The following DUSP22 variants were observed in gnomAD, a reference collection of about 807,000 sequenced individuals.
The protein encoded by DUSP22 is dual specificity protein phosphatase 22.
Under a neutral mutation model 24.5 loss-of-function variants are expected in DUSP22, and 24 were observed. The ratio of observed to expected loss-of-function variants is 0.98; its 90% CI spans 0.71 to 1.38. The LOEUF (loss-of-function observed/expected upper bound fraction) is 1.38, where lower values mean the gene tolerates loss of function less well. Ranked by LOEUF, DUSP22 falls within the 40% of genes most tolerant of loss-of-function variation. DUSP22 has a pLI of 0.00. For missense variants in DUSP22, 330 were observed against 269.2 expected, an observed-to-expected ratio of 1.23 and a Z score of -1.58; for synonymous variants, 160 against 106.4, an observed-to-expected ratio of 1.50 and a Z score of -3.10.
chr6:350,824 G>A lies in DUSP22; in HGVS notation c.*1873G>A, dbSNP rs753689902. On this transcript the variant is annotated 3_prime_UTR_variant, in exon 7 of 7. Coordinates refer to ENST00000419235, the MANE Select transcript of DUSP22 (RefSeq NM_001286555.3). ...CCAGTAATGTTCTTTCTTCACAGCC[G>A]CTCCGGGAATTCTGAAGTTCTGGGC... The A allele has an allele frequency of 3.5e-5, 57 of 1,614,212 alleles. No individual in the cohort carries two copies. Among genetic ancestry groups the A allele is most frequent in the Middle Eastern group, 3.3e-4 (2 of 6,060 alleles).
intron 3 of DUSP22, among the ~76,000 whole-genome samples, chr6:334,462 C>T (rs973009584): frequency 2.6e-4 from 40 of 152,182 alleles, no homozygotes; most frequent in Admixed American, 2.6e-3. Flanking sequence ...TTACATAAAC[C>T]TTTTTCTGAG....
intron 1 of DUSP22, among the ~76,000 whole-genome samples, chr6:297,480 C>T (rs62390171): frequency 0.012 from 1,884 of 151,782 alleles, 2 homozygotes; most frequent in Non-Finnish European, 0.021. Context: ...AGGCATAGAC[C>T]GGTGTTCCTC....
At chr6:300,216 C>A (rs1757517144) in intron 1 of DUSP22, among the ~76,000 whole-genome samples, 1 of 152,302 alleles carries the variant, frequency 6.6e-6, no homozygotes, top group South Asian at 2.1e-4. Context: ...TGCGTCTCTG[C>A]ATAGCCATGT....
chr6:332,321 G>C (rs1759175826), intron 3 of DUSP22, among the ~76,000 whole-genome samples: 1 of 152,308 alleles, frequency 6.6e-6, no homozygotes, highest in Admixed American at 6.5e-5. Flanking sequence ...ATGGGAGGCT[G>C]CAGCTCCACA....
intron 4 of DUSP22, among the ~76,000 whole-genome samples, chr6:341,592 T>C (rs1330546778): frequency 2.0e-5 from 3 of 152,310 alleles, no homozygotes; most frequent in African/African-American, 7.2e-5. Flanking sequence ...ATTGTGTCCA[T>C]GAGTCAAGCT....
intron 3 of DUSP22, 100 bp from the exon 4 acceptor site, chr6:335,013 AT>A (rs370463785): frequency 7.4e-7 from 1 of 1,344,696 alleles, no homozygotes; most frequent in East Asian, 2.5e-5. Context: ...TCTCCTTTTT[AT>A]TTTTTTATTT....
At chr6:301,351 G>A (rs933738334) in intron 1 of DUSP22, among the ~76,000 whole-genome samples, 2 of 152,312 alleles carry the variant, frequency 1.3e-5, no homozygotes, top group African/African-American at 4.8e-5. Context: ...CCAGTAAGGG[G>A]TATTGGGAGA....
intron 3 of DUSP22, among the ~76,000 whole-genome samples, chr6:334,253 A>G (rs1759266766): frequency 6.6e-6 from 1 of 152,306 alleles, no homozygotes; most frequent in African/African-American, 2.4e-5. Context: ...TTAGGCAATT[A>G]AGAGAGGAAT....
chr6:317,341 C>T (rs1322600340), intron 3 of DUSP22, among the ~76,000 whole-genome samples: 3 of 152,304 alleles, frequency 2.0e-5, no homozygotes, highest in Non-Finnish European at 4.4e-5. Context: ...CCCCATTTCT[C>T]TTGAACAAAA....
chr6:335,610 A>G (rs1405445879), intron 4 of DUSP22, among the ~76,000 whole-genome samples: 1 of 152,310 alleles, frequency 6.6e-6, no homozygotes, highest in Non-Finnish European at 1.5e-5. Context: ...CATTAATTCT[A>G]ATAATATATT....
At position 350,795 on chromosome 6, in the gene DUSP22, G is replaced by A. The variant is rs1451612573; in HGVS notation, c.*1844G>A. ...TTCTTGAAATGTTGTTTTAATATTT[G>A]TTGCCAGTAATGTTCTTTCTTCACA... On this transcript the variant is annotated 3_prime_UTR_variant, in exon 7 of 7. Transcript: ENST00000419235. 3.1e-6 allele frequency: 5 copies of A among 1,614,220 alleles called. No homozygotes were observed. Among genetic ancestry groups the A allele is most frequent in the Non-Finnish European group, 4.2e-6 (5 of 1,180,014 alleles).
At chr6:304,712 G>T (rs1211865854) in intron 2 of DUSP22, 51 bp downstream of exon 2, 3 of 1,610,364 alleles carry the variant, frequency 1.9e-6, no homozygotes, top group Non-Finnish European at 2.5e-6. Flanking sequence ...AACATAAAAT[G>T]TGTCATCTTG....
intron 4 of DUSP22, among the ~76,000 whole-genome samples, chr6:336,025 G>A (rs1180765402): frequency 5.3e-5 from 8 of 152,302 alleles, no homozygotes; most frequent in Non-Finnish European, 2.9e-5. Context: ...AAGGGATAGG[G>A]CTCTGGGGAC....
intron 1 of DUSP22, among the ~76,000 whole-genome samples, chr6:293,001 C>G (rs1340029824): frequency 6.6e-6 from 1 of 152,282 alleles, no homozygotes; most frequent in Admixed American, 6.5e-5. Flanking sequence ...TCCTCAGATT[C>G]TGTGTGTGTG....
intron 3 of DUSP22, among the ~76,000 whole-genome samples, chr6:318,849 A>G (rs1215090366): frequency 6.6e-6 from 1 of 152,298 alleles, no homozygotes; most frequent in Non-Finnish European, 1.5e-5. Flanking sequence ...CATCCATATT[A>G]AGGAATACTC....
chr6:346,218 T>C (rs1029499099), intron 5 of DUSP22, among the ~76,000 whole-genome samples: 2 of 152,308 alleles, frequency 1.3e-5, no homozygotes, highest in South Asian at 2.1e-4. Context: ...TTTGCTGGCT[T>C]GCCTCCAGCA....
chr6:297,351 C>G (rs1757382478), intron 1 of DUSP22, among the ~76,000 whole-genome samples: 1 of 152,308 alleles, frequency 6.6e-6, no homozygotes, highest in Non-Finnish European at 1.5e-5. Flanking sequence ...CAAATACAGT[C>G]TGTTTTGAGT....
chr6:295,197 G>A (rs541123355), intron 1 of DUSP22, among the ~76,000 whole-genome samples: 12 of 152,300 alleles, frequency 7.9e-5, no homozygotes, highest in Non-Finnish European at 1.6e-4. Context: ...AACTTGGAAT[G>A]TGTGTGCCCT....
intron 5 of DUSP22, among the ~76,000 whole-genome samples, chr6:346,257 C>A (rs1425805406): frequency 6.6e-5 from 10 of 152,420 alleles, no homozygotes; most frequent in Admixed American, 1.3e-4. Flanking sequence ...TTACAGATGA[C>A]CCAGATTCTG....
Sources: allele counts gnomAD v4.1 joint callset (sites outside exome capture counted in the v4.1 genomes callset), GRCh38; gene constraint gnomAD v4.1.1; transcripts MANE v1.5; gene names NCBI Gene and HGNC (gene_info 2026-07-23, HGNC 2026-07-21).